Variants in NTN1 observed in about 807,000 individuals in gnomAD.
NTN1 encodes the protein netrin-1.
NTN1 carries 11 observed loss-of-function variants against 54.2 expected under a neutral mutation model. The ratio of observed to expected loss-of-function variants is 0.20; its 90% confidence interval spans 0.13 to 0.34. NTN1 has a LOEUF of 0.34. Among genes scored for constraint, NTN1 ranks in the 10% least tolerant of loss-of-function variants. The pLI is 1.00. For synonymous variants in NTN1, 371 were observed against 382.0 expected (o/e 0.97, Z 0.33); for missense variants, 740 against 893.1 (o/e 0.83, Z 2.18).
the NTN1 span, among the ~76,000 whole-genome samples, chr17:9,005,816 G>A: frequency 6.6e-6 from 1 of 152,196 alleles, no homozygotes; most frequent in African/African-American, 2.4e-5. Flanking sequence ...GATGAGGAGA[G>A]GCCAGAGTGC....
intron 2 of NTN1, among the ~76,000 whole-genome samples, chr17:9,109,517 A>G (rs773077867): frequency 2.6e-5 from 4 of 152,226 alleles, no homozygotes; most frequent in South Asian, 2.1e-4. Flanking sequence ...ACAAGCTACA[A>G]TGTATCCATT....
intron 2 of NTN1, among the ~76,000 whole-genome samples, chr17:9,136,840 G>A (rs936784219): frequency 2.0e-5 from 3 of 152,108 alleles, no homozygotes; most frequent in African/African-American, 7.2e-5. Flanking sequence ...CAGGCTCTTC[G>A]CAGTCGGAGC....
intron 2 of NTN1, among the ~76,000 whole-genome samples, chr17:9,092,047 G>A (rs185263681): frequency 1.3e-5 from 2 of 150,778 alleles, no homozygotes; most frequent in East Asian, 2.0e-4. Flanking sequence ...GCACCACCAC[G>A]TCCGGCTAAT....
Position 9,176,541 on chromosome 17 carries a change from G to C in NTN1, c.1208-3266G>C, listed in dbSNP as rs190257241. 2.6e-5 allele frequency: 4 copies of C among 152,282 alleles called. No homozygotes were observed. In the East Asian group the frequency reaches 7.7e-4, roughly 29 times the overall value. The allele number at this position is 152,282 out of a possible 1,614,324, so 9.4% of individuals were successfully genotyped here. ...ATTCTCCCTTTCCAGGCCATAGTAT[G>C]GCATTGCCATCTGTCAACTCTCCCT... On this transcript the variant is annotated intron_variant, in intron 3 of 6. Transcript: ENST00000173229.
chr17:9,176,536 A>T lies in NTN1; in HGVS notation c.1208-3271A>T, dbSNP rs942280249. On this transcript the variant is annotated intron_variant, in intron 3 of 6. Coordinates refer to ENST00000173229, the MANE Select transcript of NTN1 (RefSeq NM_004822.3). ...GTCACATTCTCCCTTTCCAGGCCAT[A>T]GTATGGCATTGCCATCTGTCAACTC... 7.9e-5 allele frequency: 12 copies of T among 152,368 alleles called. No individual in the cohort carries two copies. In the East Asian group the frequency reaches 2.1e-3, roughly 27 times the overall value. 9.4% of individuals were successfully genotyped at this position (152,368 alleles called of 1,614,324 possible). A position where few individuals can be genotyped will look rare whatever the true frequency, so the allele number is the denominator to read the frequency against.
chr17:9,036,739 T>C (rs766566173), intron 2 of NTN1, among the ~76,000 whole-genome samples: 2 of 152,190 alleles, frequency 1.3e-5, no homozygotes, highest in Admixed American at 6.5e-5. Context: ...TATACTGCCT[T>C]CCTGAGGACT....
chr17:9,217,854 C>CAAAAAA (rs11354107), intron 5 of NTN1, among the ~76,000 whole-genome samples: 8 of 95,754 alleles, frequency 8.4e-5, no homozygotes, highest in African/African-American at 2.2e-4. Flanking sequence ...GGAAAGACAC[C>CAAAAAA]AAAAAAAAAA....
At chr17:9,226,206 C>T (rs771367756) in intron 6 of NTN1, among the ~76,000 whole-genome samples, 5 of 150,268 alleles carry the variant, frequency 3.3e-5, no homozygotes, top group Admixed American at 6.6e-5. Flanking sequence ...CCACTCATAT[C>T]GGAGGGACCC....
At chr17:9,066,606 C>T (rs543639920) in intron 2 of NTN1, among the ~76,000 whole-genome samples, 13 of 151,888 alleles carry the variant, frequency 8.6e-5, no homozygotes, top group South Asian at 8.3e-4. Flanking sequence ...CCAGCCTGGG[C>T]GACAGAGTGA....
At chr17:9,093,094 T>C (rs1373324100) in intron 2 of NTN1, among the ~76,000 whole-genome samples, 3 of 152,212 alleles carry the variant, frequency 2.0e-5, no homozygotes, top group Non-Finnish European at 4.4e-5. Context: ...GGTTTTGCCA[T>C]GTTGGCCAGG....
At chr17:9,216,990 C>T (rs991423693) in intron 5 of NTN1, among the ~76,000 whole-genome samples, 2 of 151,324 alleles carry the variant, frequency 1.3e-5, no homozygotes, top group Admixed American at 6.6e-5. Flanking sequence ...TGCAGTGAGC[C>T]GAGATCATGC....
intron 2 of NTN1, among the ~76,000 whole-genome samples, chr17:9,036,491 G>A (rs1403067169): frequency 6.7e-6 from 1 of 149,008 alleles, no homozygotes; most frequent in African/African-American, 2.5e-5. Context: ...GAACTTCTGG[G>A]TTCAAGCAAT....
Position 9,113,912 on chromosome 17 carries a change from C to G in NTN1, c.1019-48901C>G, listed in dbSNP as rs529726235. Among the ~76,000 whole-genome samples the G allele has an allele frequency of 2.0e-5, 3 of 151,826 alleles. No homozygotes were observed. In the South Asian group the frequency reaches 6.3e-4, roughly 32 times the overall value. ...GCGCGGTGGCTCACGCCTGTAATCC[C>G]AGCATTTTGGGAGGCCGAGGTGGGC... On this transcript the variant is annotated intron_variant, in intron 2 of 6. Coordinates refer to ENST00000173229, the MANE Select transcript of NTN1 (RefSeq NM_004822.3).
At chr17:9,091,237 A>C (rs2092109391) in intron 2 of NTN1, among the ~76,000 whole-genome samples, 1 of 152,186 alleles carries the variant, frequency 6.6e-6, no homozygotes, top group African/African-American at 2.4e-5. Flanking sequence ...CATAACATAA[A>C]ATGTACCATC....
At chr17:9,228,886 G>T (rs1046995738) in intron 6 of NTN1, among the ~76,000 whole-genome samples, 1 of 128,648 alleles carries the variant, frequency 7.8e-6, no homozygotes, top group Non-Finnish European at 1.6e-5. Context: ...GTGTGACTAC[G>T]CATGTGTGAT....
intron 2 of NTN1, among the ~76,000 whole-genome samples, chr17:9,132,565 A>C (rs2092269133): frequency 6.6e-6 from 1 of 152,152 alleles, no homozygotes; most frequent in Non-Finnish European, 1.5e-5. Context: ...ATGTTTAATA[A>C]ATCAGCAAGG....
chr17:9,086,812 A>G (rs1466838232), intron 2 of NTN1, among the ~76,000 whole-genome samples: 1 of 152,078 alleles, frequency 6.6e-6, no homozygotes, highest in Non-Finnish European at 1.5e-5. Flanking sequence ...CATCACCATC[A>G]TCACCATCAT....
At chr17:9,027,096 G>C (rs1347985241) in intron 2 of NTN1, among the ~76,000 whole-genome samples, 1 of 152,130 alleles carries the variant, frequency 6.6e-6, no homozygotes, top group South Asian at 2.1e-4. Flanking sequence ...TGGCAAGAGA[G>C]GGAGGTTATA....
At chr17:9,040,412 G>C (rs115443002) in intron 2 of NTN1, among the ~76,000 whole-genome samples, 1 of 151,942 alleles carries the variant, frequency 6.6e-6, no homozygotes, top group East Asian at 1.9e-4. Flanking sequence ...TTCTAAGTGG[G>C]TATTACAATG....
Sources: allele counts gnomAD v4.1 joint callset (sites outside exome capture counted in the v4.1 genomes callset), GRCh38; gene constraint gnomAD v4.1.1; transcripts MANE v1.5; gene names NCBI Gene and HGNC (gene_info 2026-07-23, HGNC 2026-07-21).